Variants in TCF7L1 observed in about 807,000 individuals in gnomAD.
The protein encoded by TCF7L1 is transcription factor 7 like 1.
A neutral mutation model predicts 63.7 loss-of-function variants in TCF7L1; 18 were observed. That is an observed-to-expected ratio of 0.28 (90% CI 0.20 to 0.42). The LOEUF is 0.42. TCF7L1 is among the 10% of genes least tolerant of loss of function. The pLI is 1.00. For missense variants in TCF7L1, 654 were observed against 779.3 expected (o/e 0.84, Z 1.91); for synonymous variants, 355 against 340.9 (o/e 1.04, Z -0.46).
intron 3 of TCF7L1, among the ~76,000 whole-genome samples, chr2:85,148,473 A>T (rs114507663): frequency 0.035 from 5,304 of 152,274 alleles, 134 homozygotes; most frequent in Middle Eastern, 0.054. Flanking sequence ...CTGTGTCCCT[A>T]TGCCCCAGGG....
chr2:85,255,446 G>A (rs908162165), intron 3 of TCF7L1, among the ~76,000 whole-genome samples: 1 of 152,188 alleles, frequency 6.6e-6, no homozygotes, highest in African/African-American at 2.4e-5. Flanking sequence ...TGGCTTTGAT[G>A]TATGGAATCA....
At chr2:85,180,951 C>T (rs1678793016) in intron 3 of TCF7L1, among the ~76,000 whole-genome samples, 2 of 152,234 alleles carry the variant, frequency 1.3e-5, no homozygotes, top group East Asian at 1.9e-4. Context: ...CTAAGGGCCC[C>T]TAACAGACGG....
intron 4 of TCF7L1, among the ~76,000 whole-genome samples, chr2:85,292,132 C>T (rs1681738810): frequency 2.2e-5 from 1 of 45,854 alleles, no homozygotes. Flanking sequence ...GCCATTCTCC[C>T]GCCTCAGCCT....
chr2:85,267,687 G>C (rs1681011587), intron 3 of TCF7L1, among the ~76,000 whole-genome samples: 1 of 151,792 alleles, frequency 6.6e-6, no homozygotes, highest in South Asian at 2.1e-4. Context: ...TTTGGGTTTG[G>C]GATAGACTGG....
intron 3 of TCF7L1, among the ~76,000 whole-genome samples, chr2:85,143,975 G>A (rs189169445): frequency 6.6e-6 from 1 of 152,314 alleles, no homozygotes; most frequent in Admixed American, 6.5e-5. Context: ...GTGCTTACCT[G>A]CTAACATTTG....
intron 3 of TCF7L1, among the ~76,000 whole-genome samples, chr2:85,139,478 TAAG>T (rs1266818875): frequency 1.4e-4 from 22 of 152,320 alleles, no homozygotes; most frequent in Admixed American, 1.2e-3. Context: ...AGCACTGTAA[TAAG>T]AAGTTAAGAG....
intron 3 of TCF7L1, among the ~76,000 whole-genome samples, chr2:85,178,060 C>T (rs1678718992): frequency 6.6e-6 from 1 of 152,102 alleles, no homozygotes; most frequent in South Asian, 2.1e-4. Flanking sequence ...AGCAGGGCCC[C>T]CGAGCCCTGA....
intron 3 of TCF7L1, among the ~76,000 whole-genome samples, chr2:85,183,638 A>G (rs1379064625): frequency 6.6e-6 from 1 of 152,210 alleles, no homozygotes; most frequent in Non-Finnish European, 1.5e-5. Context: ...GGGGAAAATC[A>G]TCGGGCGAGT....
chr2:85,308,607 A>C (rs1375534563), intron 11 of TCF7L1, among the ~76,000 whole-genome samples: 2 of 147,802 alleles, frequency 1.4e-5, no homozygotes, highest in African/African-American at 5.0e-5. Context: ...TCCATTATAC[A>C]TAGGAGCGCA....
chr2:85,148,830 G>A (rs1241554333), intron 3 of TCF7L1, among the ~76,000 whole-genome samples: 2 of 138,490 alleles, frequency 1.4e-5, no homozygotes, highest in African/African-American at 5.5e-5. Context: ...CTGAAGTGAA[G>A]TGGCGCGATC....
chr2:85,202,622 A>G (rs900068555), intron 3 of TCF7L1, among the ~76,000 whole-genome samples: 2 of 152,136 alleles, frequency 1.3e-5, no homozygotes, highest in African/African-American at 4.8e-5. Flanking sequence ...TTTTACATAC[A>G]GTGTTAGGCA....
intron 3 of TCF7L1, among the ~76,000 whole-genome samples, chr2:85,278,422 T>C (rs2104363344): frequency 6.6e-6 from 1 of 152,332 alleles, no homozygotes; most frequent in South Asian, 2.1e-4. Context: ...ATTTAAAACA[T>C]GACTAGCATT....
At chr2:85,156,333 C>T (rs1217216674) in intron 3 of TCF7L1, among the ~76,000 whole-genome samples, 1 of 152,182 alleles carries the variant, frequency 6.6e-6, no homozygotes, top group Non-Finnish European at 1.5e-5. Context: ...AAAATGCCCT[C>T]TTCCTCAGGA....
chr2:85,146,571 G>A (rs1029504489), intron 3 of TCF7L1, among the ~76,000 whole-genome samples: 42 of 139,184 alleles, frequency 3.0e-4, no homozygotes, highest in African/African-American at 9.5e-4. Context: ...GCACGATCTC[G>A]GCTCACTGCA....
In TCF7L1 at chr2:85,241,431, G is replaced by GTTTTTTTTTTTTTTTTTTTTTTTTTTTTT. The variant is rs1273488175; in HGVS notation, c.442-42059_442-42058insTTTTTTTTTTTTTTTTTTTTTTTTTTTTT. On this transcript the variant is annotated intron_variant, in intron 3 of 11. Coordinates refer to ENST00000282111, the MANE Select transcript of TCF7L1 (RefSeq NM_031283.3). ...TGATCCAGAGGACTGGATGCACTTTGTTTTTGTTTTTTTTTTTTTTTTTTT... is the reference window on the plus strand; with the variant it reads ...TGATCCAGAGGACTGGATGCACTTTGTTTTTTTTTTTTTTTTTTTTTTTTTTTTTTTTTTGTTTTTTTTTTTTTTTTTTT... 2.9e-5 allele frequency among the ~76,000 whole-genome samples: 2 copies of GTTTTTTTTTTTTTTTTTTTTTTTTTTTTT among 68,782 alleles called. 1 individual carries two copies. The highest frequency in any genetic ancestry group is 1.0e-4 in the African/African-American group (2 of 19,218). 45.1% of individuals were successfully genotyped at this position (68,782 alleles called of 152,430 possible).
rs1238664477 is a variant in TCF7L1, at chr2:85,140,620, G to C, written c.441+6170G>C. On this transcript the variant is annotated intron_variant, in intron 3 of 11. Transcript: ENST00000282111. ...TCGAGATCAGCCTGGCAAACACAGTGGAAACCCTGTCTCTACTAAAAATAC... is the reference window on the plus strand; with the variant it reads ...TCGAGATCAGCCTGGCAAACACAGTCGAAACCCTGTCTCTACTAAAAATAC... Among the ~76,000 whole-genome samples, 3 of 4,844 alleles carry C rather than the reference G, an allele frequency of 6.2e-4. No homozygotes were observed. The African/African-American group carries it at 8.3e-3, about 13-fold the overall frequency. The allele number at this position is 4,844 out of a possible 152,430, so 3.2% of individuals were successfully genotyped here.
At chr2:85,209,418 T>G (rs997413488) in intron 3 of TCF7L1, among the ~76,000 whole-genome samples, 2 of 152,240 alleles carry the variant, frequency 1.3e-5, no homozygotes, top group African/African-American at 4.8e-5. Context: ...TCAGTGGCAG[T>G]GCCAGTACTT....
At chr2:85,161,279 T>A (rs755884038) in intron 3 of TCF7L1, among the ~76,000 whole-genome samples, 2 of 152,234 alleles carry the variant, frequency 1.3e-5, no homozygotes, top group Non-Finnish European at 2.9e-5. Flanking sequence ...AACTCAGGAA[T>A]TTTTTAAGGT....
At chr2:85,260,533 C>T (rs138524326) in intron 3 of TCF7L1, among the ~76,000 whole-genome samples, 2 of 151,402 alleles carry the variant, frequency 1.3e-5, no homozygotes, top group Admixed American at 6.6e-5. Context: ...CCCAGCTACC[C>T]GGTGGGGACT....
Sources: allele counts gnomAD v4.1 joint callset (sites outside exome capture counted in the v4.1 genomes callset), GRCh38; gene constraint gnomAD v4.1.1; transcripts MANE v1.5; gene names NCBI Gene and HGNC (gene_info 2026-07-23, HGNC 2026-07-21).